The following MTUS2 variants were observed in gnomAD, a reference collection of about 807,000 sequenced individuals.
MTUS2 encodes microtubule-associated tumor suppressor candidate 2.
Under a neutral mutation model 114.1 loss-of-function variants are expected in MTUS2, and 40 were observed. The ratio of observed to expected loss-of-function variants is 0.35; its 90% confidence interval spans 0.27 to 0.46. The LOEUF (loss-of-function observed/expected upper bound fraction) is 0.46, where lower values mean the gene tolerates loss of function less well. MTUS2 is among the 20% of genes least tolerant of loss of function. MTUS2 has a pLI of 1.00. For synonymous variants in MTUS2, 688 were observed against 672.0 expected (o/e 1.02, Z -0.37); for missense variants, 1,679 against 1,705.4 (o/e 0.98, Z 0.27).
At chr13:28,905,977 T>A (rs1009283380) in intron 2 of MTUS2, among the ~76,000 whole-genome samples, 2 of 151,650 alleles carry the variant, frequency 1.3e-5, no homozygotes, top group Admixed American at 1.3e-4. Flanking sequence ...CCTGGTTTAG[T>A]CTTGGGAGGG....
intron 5 of MTUS2, among the ~76,000 whole-genome samples, chr13:29,193,298 A>G (rs1028428746): frequency 7.9e-5 from 12 of 152,068 alleles, no homozygotes; most frequent in African/African-American, 2.9e-4. Context: ...AGAACACACC[A>G]TTCAGCTCAG....
intron 2 of MTUS2, among the ~76,000 whole-genome samples, chr13:29,020,425 A>G (rs1886244557): frequency 1.3e-5 from 2 of 152,222 alleles, no homozygotes; most frequent in South Asian, 2.1e-4. Flanking sequence ...AAGGCCTTGG[A>G]TTGAAATTTA....
chr13:29,437,110 G>T (rs1361113706), intron 8 of MTUS2, among the ~76,000 whole-genome samples: 1 of 152,186 alleles, frequency 6.6e-6, no homozygotes, highest in Non-Finnish European at 1.5e-5. Context: ...CCTAGGGCAT[G>T]ACTCTGATAA....
At chr13:29,076,833 T>G (rs1251098146) in intron 4 of MTUS2, among the ~76,000 whole-genome samples, 1 of 152,228 alleles carries the variant, frequency 6.6e-6, no homozygotes, top group Non-Finnish European at 1.5e-5. Context: ...CCTGTGCACC[T>G]TGACCTATGT....
At chr13:29,415,483 A>T (rs1484388040) in intron 8 of MTUS2, among the ~76,000 whole-genome samples, 1 of 152,180 alleles carries the variant, frequency 6.6e-6, no homozygotes, top group African/African-American at 2.4e-5. Flanking sequence ...TAACATTTTT[A>T]GTCTTGAATC....
At chr13:29,495,355 CAAAAAA>C (rs561721512) in intron 12 of MTUS2, among the ~76,000 whole-genome samples, 1 of 29,808 alleles carries the variant, frequency 3.4e-5, no homozygotes, top group Non-Finnish European at 6.7e-5. Flanking sequence ...GAGTCTTTGT[CAAAAAA>C]AAAAAAAAAA....
intron 9 of MTUS2, among the ~76,000 whole-genome samples, chr13:29,443,585 GCA>G (rs1446973660): frequency 1.3e-5 from 2 of 152,234 alleles, no homozygotes; most frequent in Non-Finnish European, 2.9e-5. Context: ...TTCATCCCTG[GCA>G]CACACTTCAG....
intron 5 of MTUS2, among the ~76,000 whole-genome samples, chr13:29,178,799 T>G (rs1893880757): frequency 6.6e-6 from 1 of 152,218 alleles, no homozygotes; most frequent in Non-Finnish European, 1.5e-5. Flanking sequence ...GAGAGTGTTG[T>G]GGACTTGAGG....
intron 8 of MTUS2, among the ~76,000 whole-genome samples, chr13:29,415,673 A>G (rs956295829): frequency 1.3e-5 from 2 of 152,094 alleles, no homozygotes; most frequent in Non-Finnish European, 2.9e-5. Context: ...TTTCTTTCCA[A>G]TGGTGATTTT....
intron 2 of MTUS2, among the ~76,000 whole-genome samples, chr13:28,882,440 A>C (rs1285603695): frequency 1.3e-5 from 2 of 152,174 alleles, no homozygotes; most frequent in Admixed American, 6.5e-5. Context: ...AAACATTAAT[A>C]AAACAGACTT....
At chr13:29,192,804 A>G (rs1332203826) in intron 5 of MTUS2, among the ~76,000 whole-genome samples, 1 of 152,120 alleles carries the variant, frequency 6.6e-6, no homozygotes, top group Non-Finnish European at 1.5e-5. Flanking sequence ...TTGAACCCAA[A>G]CTGGTGTATT....
At chr13:29,309,076 A>G (rs1422166471) in intron 6 of MTUS2, among the ~76,000 whole-genome samples, 2 of 152,218 alleles carry the variant, frequency 1.3e-5, no homozygotes, top group Admixed American at 6.5e-5. Context: ...CCATTACTAT[A>G]TGTATACCCA....
At chr13:28,977,605 A>G (rs1297595159) in intron 2 of MTUS2, among the ~76,000 whole-genome samples, 1 of 152,224 alleles carries the variant, frequency 6.6e-6, no homozygotes, top group Non-Finnish European at 1.5e-5. Flanking sequence ...GGCTGTTAGT[A>G]GCTTCACATG....
chr13:29,392,325 T>C lies in MTUS2; in HGVS notation c.3117+32852T>C, dbSNP rs562282521. Among the ~76,000 whole-genome samples the C allele has an allele frequency of 2.0e-5, 3 of 152,162 alleles. No individual in the cohort carries two copies. In the South Asian group the frequency reaches 6.2e-4, roughly 32 times the overall value. ...ATTCCTCATAGAAGTGGAATGACAG[T>C]GTTTGTCTGCTTGTGACTGGCTTAT... On this transcript the variant is annotated intron_variant, in intron 8 of 15. Transcript: ENST00000612955.
At chr13:29,333,807 A>G (rs11843775) in intron 7 of MTUS2, among the ~76,000 whole-genome samples, 9,796 of 151,986 alleles carry the variant, frequency 0.064, 1,005 homozygotes, top group African/African-American at 0.22. Context: ...TCCCACTATT[A>G]TTTTTTGGGA....
At chr13:29,009,555 T>G (rs1422474733) in intron 2 of MTUS2, among the ~76,000 whole-genome samples, 1 of 152,184 alleles carries the variant, frequency 6.6e-6, no homozygotes, top group Non-Finnish European at 1.5e-5. Context: ...TCATATTTGC[T>G]AGTGGCTCGG....
chr13:28,839,168 C>T (rs1875301822), intron 1 of MTUS2, among the ~76,000 whole-genome samples: 1 of 152,150 alleles, frequency 6.6e-6, no homozygotes, highest in Non-Finnish European at 1.5e-5. Flanking sequence ...CCACTAGCAA[C>T]TAATCTTCCT....
At position 29,256,853 on chromosome 13, in the gene MTUS2, C is replaced by T. The variant is rs566943116; in HGVS notation, c.2645-24851C>T. 1.2e-4 allele frequency among the ~76,000 whole-genome samples: 18 copies of T among 152,278 alleles called. No homozygotes were observed. In the South Asian group the frequency reaches 2.1e-3, roughly 18 times the overall value. ...TCGGGGCTCATTAGCATATCTCAAC[C>T]GTTAAAACCTTATCCAAGCAGGTAT... On this transcript the variant is annotated intron_variant, in intron 5 of 15. Coordinates refer to ENST00000612955, the MANE Select transcript of MTUS2 (RefSeq NM_001033602.4).
At chr13:28,871,082 A>T (rs1305362783) in intron 2 of MTUS2, among the ~76,000 whole-genome samples, 1 of 152,238 alleles carries the variant, frequency 6.6e-6, no homozygotes. Flanking sequence ...CCTCAATGCT[A>T]CAACTACTGT....
Sources: allele counts gnomAD v4.1 joint callset (sites outside exome capture counted in the v4.1 genomes callset), GRCh38; gene constraint gnomAD v4.1.1; transcripts MANE v1.5; gene names NCBI Gene and HGNC (gene_info 2026-07-23, HGNC 2026-07-21).